ELAVL3: variants seen among roughly 807,000 people sequenced by gnomAD.
ELAVL3 encodes ELAV like RNA binding protein 3.
A neutral mutation model predicts 34.2 loss-of-function variants in ELAVL3; 8 were observed. That is an observed-to-expected ratio of 0.23 (90% confidence interval 0.14 to 0.42). The LOEUF is 0.42. Ranked by LOEUF, ELAVL3 falls within the 10% of genes least tolerant of loss-of-function variation. The pLI, the probability that ELAVL3 is intolerant of heterozygous loss-of-function variation, is 1.00. For synonymous variants in ELAVL3, 209 were observed against 222.1 expected, an observed-to-expected ratio of 0.94 and a Z score of 0.53; for missense variants, 273 against 518.8, an observed-to-expected ratio of 0.53 and a Z score of 4.60.
intron 3 of ELAVL3, among the ~76,000 whole-genome samples, chr19:11,465,241 CCACA>C (rs1269061718): frequency 2.1e-5 from 3 of 140,444 alleles, no homozygotes; most frequent in Non-Finnish European, 4.6e-5. Flanking sequence ...ACACCGCACA[CCACA>C]CACATACACA....
chr19:11,461,913 C>T (rs1361336081), intron 3 of ELAVL3, among the ~76,000 whole-genome samples: 1 of 152,194 alleles, frequency 6.6e-6, no homozygotes, highest in African/African-American at 2.4e-5. Context: ...CGGTGGCGCA[C>T]GCCTGTAATC....
chr19:11,465,290 CACCACA>C (rs1488032505), intron 3 of ELAVL3, among the ~76,000 whole-genome samples: 6 of 147,384 alleles, frequency 4.1e-5, no homozygotes, highest in South Asian at 2.2e-4. Flanking sequence ...CACACACACA[CACCACA>C]CACACACACA....
rs890160115 is a variant in ELAVL3, at chr19:11,453,104, G to C, written c.*1422C>G. 6.6e-6 allele frequency: 1 copy of C among 151,822 alleles called. No homozygotes were observed. The highest frequency in any genetic ancestry group is 2.1e-4 in the South Asian group (1 of 4,810). The allele number at this position is 151,822 out of a possible 1,614,324, so 9.4% of individuals were successfully genotyped here. On this transcript the variant is annotated 3_prime_UTR_variant, in exon 7 of 7. Coordinates refer to ENST00000359227, the MANE Select transcript of ELAVL3 (RefSeq NM_001420.4). ...CCTGGTGGGGGAGGCTCAGGGCTGGGCCTCTCCCTCAGCTGTGTGGGCCAA... is the reference window on the plus strand; with the variant it reads ...CCTGGTGGGGGAGGCTCAGGGCTGGCCCTCTCCCTCAGCTGTGTGGGCCAA...
intron 6 of ELAVL3, among the ~76,000 whole-genome samples, chr19:11,456,739 C>T (rs1046804699): frequency 6.6e-6 from 1 of 152,106 alleles, no homozygotes; most frequent in Non-Finnish European, 1.5e-5. Context: ...TCATAGTTCA[C>T]TGCAGCCTCC....
At chr19:11,455,153 C>T (rs1045801590) in intron 6 of ELAVL3, among the ~76,000 whole-genome samples, 13 of 151,920 alleles carry the variant, frequency 8.6e-5, no homozygotes, top group Admixed American at 7.9e-4. Flanking sequence ...CAGGCGCCCT[C>T]ACACCCAGCT....
Position 11,466,788 on chromosome 19 carries a change from G to A in ELAVL3, c.49C>T (p.Pro17Ser). The A allele has an allele frequency of 6.2e-7, 1 of 1,612,964 alleles. No individual in the cohort carries two copies. Among genetic ancestry groups the A allele is most frequent in the Non-Finnish European group, 8.5e-7 (1 of 1,179,464 alleles). ...GAMESQVGGG[P>S]AGPALPNGPL... is the part of the protein sequence containing the mutation. ...CCGTTGGGCAGGGCCGGGCCGGCCGGGCCCCCCCCCACCTGAGACTCCATG... is the reference window on the plus strand; with the variant it reads ...CCGTTGGGCAGGGCCGGGCCGGCCGAGCCCCCCCCCACCTGAGACTCCATG... Residue 17 changes from proline to serine, a missense_variant, in exon 2 of 7, where the codon CCG becomes TCG. Transcript: ENST00000359227. The surrounding 1 kb of genome is among the most constrained non-coding windows in gnomAD (Gnocchi z 5.0).
intron 5 of ELAVL3, among the ~76,000 whole-genome samples, chr19:11,457,762 G>T (rs1391992957): frequency 6.6e-6 from 1 of 152,354 alleles, no homozygotes; most frequent in East Asian, 1.9e-4. Flanking sequence ...TGTTATTACA[G>T]ATGGGAAACT....
chr19:11,471,624 A>AG (rs1555733922), intron 1 of ELAVL3, among the ~76,000 whole-genome samples: 20 of 147,484 alleles, frequency 1.4e-4, no homozygotes, highest in Non-Finnish European at 2.1e-4. Flanking sequence ...AAAAAAAAAA[A>AG]TTTTTTTTTT....
At position 11,454,887 on chromosome 19, in the gene ELAVL3, G is replaced by A. The variant is rs773726181; in HGVS notation, c.753-10C>T. 2 of 1,585,208 alleles carry A rather than the reference G, an allele frequency of 1.3e-6. No homozygotes were observed. The highest frequency in any genetic ancestry group is 1.7e-5 in the Admixed American group (1 of 59,138). ...GATGAGCGACAGGGGACTACTTTGG[G>A]GGTCACGCGGGCTCTGCCCTGACCC... On this transcript the variant is annotated splice_polypyrimidine_tract_variant and intron_variant, in intron 6 of 6. Transcript: ENST00000359227. The surrounding 1 kb of genome is among the most constrained non-coding windows in gnomAD (Gnocchi z 9.2).
Position 11,454,199 on chromosome 19 carries a change from T to C in ELAVL3, c.*327A>G. On this transcript the variant is annotated 3_prime_UTR_variant, in exon 7 of 7. Transcript: ENST00000359227. The surrounding 1 kb of genome is among the most constrained non-coding windows in gnomAD (Gnocchi z 9.2). ...CATCGGGGGTGGTCGAGGGTGGGGGTGGGGGCACATCTCTGCATTCTTTTT... is the reference window on the plus strand; with the variant it reads ...CATCGGGGGTGGTCGAGGGTGGGGGCGGGGGCACATCTCTGCATTCTTTTT... The C allele has an allele frequency of 4.2e-6, 1 of 236,124 alleles. No homozygotes were observed. Among genetic ancestry groups the C allele is most frequent in the African/African-American group, 2.3e-5 (1 of 44,156 alleles). 14.6% of individuals were successfully genotyped at this position (236,124 alleles called of 1,614,324 possible).
At chr19:11,473,922 T>C (rs1315588574) in intron 1 of ELAVL3, among the ~76,000 whole-genome samples, 1 of 152,222 alleles carries the variant, frequency 6.6e-6, no homozygotes. Context: ...GCTAAAGCCA[T>C]ATGCTGTAAA....
At chr19:11,465,292 CCACACACACACACACCA>C (rs1275757075) in intron 3 of ELAVL3, among the ~76,000 whole-genome samples, 2 of 121,348 alleles carry the variant, frequency 1.6e-5, no homozygotes, top group Admixed American at 1.5e-4. Context: ...CACACACACA[CCACACACACACACACCA>C]CACACATACA....
chr19:11,465,044 CACAT>C (rs1483477991), intron 3 of ELAVL3, among the ~76,000 whole-genome samples: 2 of 116,554 alleles, frequency 1.7e-5, no homozygotes, highest in Non-Finnish European at 3.7e-5. Flanking sequence ...ACACACCACA[CACAT>C]ACACACATAC....
chr19:11,457,538 A>C (rs1411795848), intron 5 of ELAVL3, among the ~76,000 whole-genome samples: 1 of 152,288 alleles, frequency 6.6e-6, no homozygotes, highest in Middle Eastern at 3.4e-3. Flanking sequence ...GGGGCCCACA[A>C]GGGGCTTCCA....
intron 6 of ELAVL3, among the ~76,000 whole-genome samples, chr19:11,456,568 C>T (rs1490263904): frequency 6.9e-6 from 1 of 144,830 alleles, no homozygotes; most frequent in African/African-American, 2.6e-5. Flanking sequence ...GGCACGATTT[C>T]AGCTCACTGC....
At chr19:11,479,035 C>T (rs896237302) in intron 1 of ELAVL3, among the ~76,000 whole-genome samples, 8 of 152,218 alleles carry the variant, frequency 5.3e-5, no homozygotes, top group Non-Finnish European at 7.3e-5. Flanking sequence ...AGGGCTCGCT[C>T]ACTGGAGAAC....
In ELAVL3 at chr19:11,461,904, G is replaced by A. The variant is rs1011175582; in HGVS notation, c.334-3293C>T. ...GAAATAACTAATTAAAGCTGGGCGCGGTGGCGCACGCCTGTAATCCCAGCA... is the reference window on the plus strand; with the variant it reads ...GAAATAACTAATTAAAGCTGGGCGCAGTGGCGCACGCCTGTAATCCCAGCA... On this transcript the variant is annotated intron_variant, in intron 3 of 6. Transcript: ENST00000359227. 2.0e-4 allele frequency among the ~76,000 whole-genome samples: 31 copies of A among 152,208 alleles called. 1 individual carries two copies. The highest frequency in any genetic ancestry group is 1.9e-3 in the Admixed American group (29 of 15,264).
intron 1 of ELAVL3, among the ~76,000 whole-genome samples, chr19:11,478,237 CAG>C (rs1452851304): frequency 6.6e-5 from 10 of 152,142 alleles, no homozygotes; most frequent in Non-Finnish European, 1.3e-4. Flanking sequence ...CCAACCTGAG[CAG>C]AGTGAAGAGG....
chr19:11,459,866 C>T (rs1255427155), intron 3 of ELAVL3, among the ~76,000 whole-genome samples: 1 of 152,096 alleles, frequency 6.6e-6, no homozygotes, highest in Admixed American at 6.5e-5. Flanking sequence ...GGACTACAGG[C>T]ATGCACCACC....
Sources: gnomAD v4.1 joint callset for allele counts (sites outside exome capture counted in the v4.1 genomes callset) on GRCh38, gnomAD v4.1.1 for gene constraint, Gnocchi (gnomAD v3.1) non-coding constraint, MANE v1.5 for transcripts, NCBI Gene and HGNC (gene_info 2026-07-23, HGNC 2026-07-21) for gene names.